PRKAR2A: variants seen among roughly 807,000 people sequenced by gnomAD.
The protein encoded by PRKAR2A is cAMP-dependent protein kinase type II-alpha regulatory subunit.
A neutral mutation model predicts 51.9 loss-of-function variants in PRKAR2A; 29 were observed. That is an observed-to-expected ratio of 0.56 (90% CI 0.42 to 0.76). PRKAR2A has a LOEUF of 0.76. Among genes scored for constraint, PRKAR2A ranks in the 30% least tolerant of loss-of-function variants. The pLI is 0.00. For synonymous variants in PRKAR2A, 178 were observed against 186.2 expected, an observed-to-expected ratio of 0.96 and a Z score of 0.36; for missense variants, 445 against 512.1, an observed-to-expected ratio of 0.87 and a Z score of 1.26.
rs1168503342 is a variant in PRKAR2A at position 48,825,028 on chromosome 3, CTTTTTTTTTTT to C, written c.263-17355_263-17345del. 8.0e-5 allele frequency among the ~76,000 whole-genome samples: 6 copies of C among 74,684 alleles called. No individual in the cohort carries two copies. In the Admixed American group the frequency reaches 8.2e-4, roughly 10 times the overall value. The allele number at this position is 74,684 out of a possible 152,430, so 49.0% of individuals were successfully genotyped here. ...CTTGAATTTATACTGATTTTCTTTT[CTTTTTTTTTTT>C]TTTTTTTTTTTGGAGACAGAGTTTC... On this transcript the variant is annotated intron_variant, in intron 1 of 10. Coordinates refer to ENST00000265563, the MANE Select transcript of PRKAR2A (RefSeq NM_004157.4).
At position 48,825,198 on chromosome 3, in the gene PRKAR2A, A is replaced by G. The variant is rs140249183; in HGVS notation, c.263-17514T>C. On this transcript the variant is annotated intron_variant, in intron 1 of 10. Transcript: ENST00000265563. ...TTACAGGCATACACTGCCACACCCA[A>G]CTAATTTGGGTTTCTCCATGTTGGT... 3.1e-3 allele frequency among the ~76,000 whole-genome samples: 468 copies of G among 151,374 alleles called. 5 individuals carry two copies. The highest frequency in any genetic ancestry group is 0.011 in the African/African-American group (444 of 41,346).
At chr3:48,841,870 C>A (rs949036316) in intron 1 of PRKAR2A, among the ~76,000 whole-genome samples, 1 of 151,848 alleles carries the variant, frequency 6.6e-6, no homozygotes. Flanking sequence ...CCTGAGACAC[C>A]AAAAATACTT....
chr3:48,814,615 G>A (rs2082842945), intron 1 of PRKAR2A, among the ~76,000 whole-genome samples: 1 of 152,110 alleles, frequency 6.6e-6, no homozygotes, highest in South Asian at 2.1e-4. Flanking sequence ...ATTCTGTAAT[G>A]CCTTGTTCCA....
chr3:48,790,550 A>C lies in PRKAR2A; in HGVS notation c.429T>G (p.Leu143=). The C allele has an allele frequency of 6.5e-7, 1 of 1,543,362 alleles. No individual in the cohort carries two copies. The highest frequency in any genetic ancestry group is 8.7e-7 in the Non-Finnish European group (1 of 1,147,676). ...ACKDILLFKN[L]DQEQLSQVLD... ...CTTTAGAAATCAATGTTACCTGATC[A>C]AGATTTTTGAAAAGGAGAATATCTT... is the stretch of plus-strand genomic sequence containing the variant. Residue 143 remains leucine, a synonymous_variant, in exon 4 of 11, where the codon CTT becomes CTG. Transcript: ENST00000265563.
chr3:48,766,276 T>C (rs936529063), intron 6 of PRKAR2A, among the ~76,000 whole-genome samples: 1 of 151,762 alleles, frequency 6.6e-6, no homozygotes, highest in Non-Finnish European at 1.5e-5. Context: ...ATAAAAAGTC[T>C]ACATTTCAAG....
intron 1 of PRKAR2A, among the ~76,000 whole-genome samples, chr3:48,817,728 G>A (rs1227445870): frequency 6.6e-6 from 1 of 150,772 alleles, no homozygotes; most frequent in East Asian, 1.9e-4. Context: ...TAAGGACTGA[G>A]GGAGAAAAGA....
chr3:48,808,119 C>T (rs1332373583), intron 1 of PRKAR2A, among the ~76,000 whole-genome samples: 1 of 149,272 alleles, frequency 6.7e-6, no homozygotes, highest in Non-Finnish European at 1.5e-5. Context: ...GCGATCTCGG[C>T]TCACTGCAAG....
At position 48,765,328 on chromosome 3, in the gene PRKAR2A, T is replaced by C; in HGVS notation, c.718A>G (p.Ile240Val). 1 of 1,611,326 alleles carries C rather than the reference T, an allele frequency of 6.2e-7. No homozygotes were observed. Among genetic ancestry groups the C allele is most frequent in the Non-Finnish European group, 8.5e-7 (1 of 1,178,564 alleles). Residue 240 changes from isoleucine to valine, a missense_variant, in exon 7 of 11, where the codon ATC becomes GTC. Physicochemically the swap from Ile to Val is conservative, Grantham distance 29. Transcript: ENST00000265563. ...WGLDRVTFRR[I>V]IVKNNAKKRK... is the part of the protein sequence containing the mutation. ...TTCTTTGCATTATTTTTCACTATGATTCTTCTAAAAGTCACCCGGTCCTAC... is the reference window on the plus strand; with the variant it reads ...TTCTTTGCATTATTTTTCACTATGACTCTTCTAAAAGTCACCCGGTCCTAC...
chr3:48,783,105 C>T lies in PRKAR2A; in HGVS notation c.436-13G>A. 6.4e-7 allele frequency: 1 copy of T among 1,571,138 alleles called. No individual in the cohort carries two copies. The highest frequency in any genetic ancestry group is 1.1e-5 in the South Asian group (1 of 89,616). On this transcript the variant is annotated splice_polypyrimidine_tract_variant and intron_variant, in intron 4 of 10. Transcript: ENST00000265563. ...GAGAAAGCTGTTCCTGCAGGGTATG[C>T]ACAAGAAGAAAAAAATAGCCTTTAC... is the stretch of plus-strand genomic sequence containing the variant.
intron 1 of PRKAR2A, among the ~76,000 whole-genome samples, chr3:48,816,153 T>C (rs918291798): frequency 1.3e-5 from 2 of 152,138 alleles, no homozygotes; most frequent in African/African-American, 4.8e-5. Flanking sequence ...AAAGGAATAT[T>C]TTCACAGCCT....
Position 48,755,456 on chromosome 3 carries a change from T to A in PRKAR2A, c.939+923A>T, listed in dbSNP as rs2081745451. Among the ~76,000 whole-genome samples, 8 of 152,250 alleles carry A rather than the reference T, an allele frequency of 5.3e-5. No homozygotes were observed. The South Asian group carries it at 1.7e-3, about 32-fold the overall frequency. On this transcript the variant is annotated intron_variant, in intron 9 of 10. Transcript: ENST00000265563. ...ATTTACCAGTAACAGTCATTCCTCC[T>A]ACTTACAGCTCCTCAGTTTTCTAGG...
At chr3:48,768,818 G>A (rs998044791) in intron 6 of PRKAR2A, among the ~76,000 whole-genome samples, 3 of 151,848 alleles carry the variant, frequency 2.0e-5, no homozygotes, top group South Asian at 2.1e-4. Context: ...ACAATATTTC[G>A]GCTGGGCGCA....
At chr3:48,821,763 A>C (rs1409538315) in intron 1 of PRKAR2A, among the ~76,000 whole-genome samples, 1 of 151,004 alleles carries the variant, frequency 6.6e-6, no homozygotes, top group African/African-American at 2.4e-5. Flanking sequence ...TAAAAATACA[A>C]AAACTAGCCG....
intron 8 of PRKAR2A, among the ~76,000 whole-genome samples, chr3:48,757,689 G>A (rs1391858453): frequency 3.9e-5 from 6 of 152,170 alleles, no homozygotes; most frequent in Non-Finnish European, 8.8e-5. Flanking sequence ...TTGGGAGGCT[G>A]AGGGGGGTGG....
At chr3:48,781,948 T>A (rs765363890) in intron 5 of PRKAR2A, among the ~76,000 whole-genome samples, 1 of 152,198 alleles carries the variant, frequency 6.6e-6, no homozygotes, top group South Asian at 2.1e-4. Flanking sequence ...ACCAGGCCTA[T>A]GATTAATTTT....
At chr3:48,752,390 AC>A in intron 9 of PRKAR2A, 73 bp from the exon 10 acceptor site, 1 of 1,484,494 alleles carries the variant, frequency 6.7e-7, no homozygotes. Flanking sequence ...GCACACACAT[AC>A]ACTGTTCTCA....
intron 2 of PRKAR2A, among the ~76,000 whole-genome samples, chr3:48,798,795 G>T (rs569427494): frequency 6.6e-6 from 1 of 152,008 alleles, no homozygotes; most frequent in East Asian, 1.9e-4. Context: ...TGAGTAGCTG[G>T]AATTACAGGC....
At chr3:48,844,486 G>C (rs1372341204) in intron 1 of PRKAR2A, among the ~76,000 whole-genome samples, 6 of 150,804 alleles carry the variant, frequency 4.0e-5, no homozygotes, top group Admixed American at 6.6e-5. Context: ...CCCATTACTG[G>C]GTATATACCC....
Position 48,847,447 on chromosome 3 carries a change from C to T in PRKAR2A, c.150G>A (p.Leu50=), listed in dbSNP as rs1294577843. Reference sequence around the variant, plus strand: ...GGCTCTGGCGTGGGGTGGCGGCGGGCAGGACTGAGGCTGGGGCGCGGGCCT... The same window carrying T: ...GGCTCTGGCGTGGGGTGGCGGCGGGTAGGACTGAGGCTGGGGCGCGGGCCT... ...LREARAPASV[L]PAATPRQSLG... is the part of the protein sequence containing the mutation. Residue 50 remains leucine, a synonymous_variant, in exon 1 of 11, where the codon CTG becomes CTA. Coordinates refer to ENST00000265563, the MANE Select transcript of PRKAR2A (RefSeq NM_004157.4). This position sits in a 1 kb window ranked among gnomAD's most constrained non-coding sequence, Gnocchi z 4.4. 3 of 1,577,712 alleles carry T rather than the reference C, an allele frequency of 1.9e-6. No individual in the cohort carries two copies. The highest frequency in any genetic ancestry group is 1.4e-5 in the African/African-American group (1 of 73,980).
Sources: allele counts gnomAD v4.1 joint callset (sites outside exome capture counted in the v4.1 genomes callset), GRCh38; gene constraint gnomAD v4.1.1; non-coding constraint Gnocchi (gnomAD v3.1); transcripts MANE v1.5; gene names NCBI Gene and HGNC (gene_info 2026-07-23, HGNC 2026-07-21).